TNKS: variants seen among roughly 807,000 people sequenced by gnomAD.
TNKS encodes the protein tankyrase.
A neutral mutation model predicts 135.8 loss-of-function variants in TNKS; 72 were observed. The observed-to-expected ratio is 0.53, with a 90% confidence interval of 0.44 to 0.64. The LOEUF (loss-of-function observed/expected upper bound fraction) is 0.64. Among genes scored for constraint, TNKS ranks in the 30% least tolerant of loss-of-function variants. The pLI, the probability that TNKS is intolerant of heterozygous loss-of-function variation, is 0.00. For missense variants in TNKS, 1,769 were observed against 1,674.0 expected, an observed-to-expected ratio of 1.06 and a Z score of -0.99; for synonymous variants, 849 against 649.3, an observed-to-expected ratio of 1.31 and a Z score of -4.68.
Position 9,706,211 on chromosome 8 carries a change from A to C in TNKS, c.1227A>C (p.Ala409=), listed in dbSNP as rs759442295. 8.9e-6 allele frequency: 14 copies of C among 1,577,682 alleles called. No homozygotes were observed. The highest frequency in any genetic ancestry group is 1.2e-5 in the Non-Finnish European group (14 of 1,166,248). The change falls in exon 7 of 27, where the codon GCA becomes GCC. Residue 409 remains alanine (A), a synonymous_variant. Coordinates refer to ENST00000310430, the MANE Select transcript of TNKS (RefSeq NM_003747.3). The part of the protein sequence containing the change: ...DKGGLVPLHN[A]CSYGHYEVTE... ...GTGGACTTGTGCCTCTTCATAATGC[A>C]TGTTCATATGGACATTATGAAGTCA...
intron 3 of TNKS, among the ~76,000 whole-genome samples, chr8:9,623,710 T>C (rs1799952264): frequency 6.6e-6 from 1 of 152,084 alleles, no homozygotes; most frequent in African/African-American, 2.4e-5. Context: ...GAATAGAAAC[T>C]AACTTTCTGG....
rs111720294 is a variant in TNKS at position 9,578,259 on chromosome 8, A to G, written c.674-1900A>G. Among the ~76,000 whole-genome samples, 18 of 152,204 alleles carry G rather than the reference A, an allele frequency of 1.2e-4. No homozygotes were observed. The East Asian group carries it at 1.5e-3, about 13-fold the overall frequency. ...TTCAACCTTCCTGGGTCAGGACAGC[A>G]CTTATGGCCCAGTGGAAGAGTAGGG... On this transcript the variant is annotated intron_variant, in intron 1 of 26. Coordinates refer to ENST00000310430, the MANE Select transcript of TNKS (RefSeq NM_003747.3).
intron 1 of TNKS, among the ~76,000 whole-genome samples, chr8:9,560,794 A>T (rs1368779287): frequency 1.3e-5 from 2 of 152,028 alleles, no homozygotes; most frequent in African/African-American, 4.8e-5. Context: ...TGTTGATTAT[A>T]AACTGGATTA....
At chr8:9,609,318 C>T (rs1799357656) in intron 2 of TNKS, among the ~76,000 whole-genome samples, 1 of 152,188 alleles carries the variant, frequency 6.6e-6, no homozygotes. Flanking sequence ...TACTGCCAAT[C>T]TGGGGCCACC....
chr8:9,765,716 T>C lies in TNKS; in HGVS notation c.3472T>C (p.Leu1158=). 1.2e-6 allele frequency: 2 copies of C among 1,613,874 alleles called. No individual in the cohort carries two copies. The highest frequency in any genetic ancestry group is 2.2e-5 in the South Asian group (2 of 91,060). ...GATTCAAAAAGTTGTCAACAAGAAG[T>C]TGAGGGAGCGGTTCTGCCACCGACA... ...IRIQKVVNKK[L]RERFCHRQKE... Residue 1158 remains leucine (L), a synonymous_variant, in exon 24 of 27, where the codon TTG becomes CTG. Coordinates refer to ENST00000310430, the MANE Select transcript of TNKS (RefSeq NM_003747.3).
chr8:9,738,903 AT>A lies in TNKS; in HGVS notation c.2643+3418del, dbSNP rs1243213966. Reference sequence around the variant, plus strand: ...TGATTTGGGGTGGAGAGTTCTGTAGATGTCTATTAGGTCTGCTTGGTGCAGA... The same window carrying A: ...TGATTTGGGGTGGAGAGTTCTGTAGAGTCTATTAGGTCTGCTTGGTGCAGA... On this transcript the variant is annotated intron_variant, in intron 17 of 26. Transcript: ENST00000310430. 1.0e-3 allele frequency among the ~76,000 whole-genome samples: 148 copies of A among 148,698 alleles called. 13 individuals carry two copies. Among genetic ancestry groups the A allele is most frequent in the Non-Finnish European group, 1.5e-5 (1 of 66,926 alleles).
In TNKS at chr8:9,555,920, A is replaced by C; in HGVS notation, c.-20A>C. 9 of 1,578,546 alleles carry C rather than the reference A, an allele frequency of 5.7e-6. No homozygotes were observed. Among genetic ancestry groups the C allele is most frequent in the Non-Finnish European group, 6.9e-6 (8 of 1,166,206 alleles). On this transcript the variant is annotated 5_prime_UTR_variant, in exon 1 of 27. Transcript: ENST00000310430. ...CGGTGGGGGCCGTTGCCGCAGTGAC[A>C]GTGCTAGGGGAGTCCGAAGATGGCG...
At position 9,568,500 on chromosome 8, in the gene TNKS, A is replaced by G. The variant is rs568210718; in HGVS notation, c.674-11659A>G. 9.2e-4 allele frequency among the ~76,000 whole-genome samples: 140 copies of G among 152,324 alleles called. 1 individual carries two copies. The highest frequency in any genetic ancestry group is 3.4e-3 in the Middle Eastern group (1 of 294). On this transcript the variant is annotated intron_variant, in intron 1 of 26. Coordinates refer to ENST00000310430, the MANE Select transcript of TNKS (RefSeq NM_003747.3). ...ATGAAAAATTTAAAATGAATATAAT[A>G]TTAGAAATTTTAAAAATAAAATGAT... is the stretch of plus-strand genomic sequence containing the variant.
Position 9,579,756 on chromosome 8 carries a change from C to T in TNKS, c.674-403C>T, listed in dbSNP as rs149433358. 1.1e-4 allele frequency among the ~76,000 whole-genome samples: 16 copies of T among 152,264 alleles called. No individual in the cohort carries two copies. In the East Asian group the frequency reaches 1.4e-3, roughly 13 times the overall value. On this transcript the variant is annotated intron_variant, in intron 1 of 26. Coordinates refer to ENST00000310430, the MANE Select transcript of TNKS (RefSeq NM_003747.3). ...AGTGCTGTGAGGGTGTGAGCCACTG[C>T]GCCCGGCTTATCAGCAGTATTTAAA...
Position 9,708,503 on chromosome 8 carries a change from A to G in TNKS, c.1578+11A>G. Reference sequence around the variant, plus strand: ...CATGAAACAGCACTGGTAAGATTTTATTGTTAATCTATTCCCTGTGTCTAT... The same window carrying G: ...CATGAAACAGCACTGGTAAGATTTTGTTGTTAATCTATTCCCTGTGTCTAT... On this transcript the variant is annotated intron_variant, in intron 9 of 26. Transcript: ENST00000310430. 6.3e-7 allele frequency: 1 copy of G among 1,579,744 alleles called. No individual in the cohort carries two copies. The highest frequency in any genetic ancestry group is 1.2e-5 in the South Asian group (1 of 83,480).
intron 5 of TNKS, among the ~76,000 whole-genome samples, chr8:9,687,714 T>C (rs1267807209): frequency 6.6e-6 from 1 of 152,204 alleles, no homozygotes; most frequent in African/African-American, 2.4e-5. Context: ...CTTTGAATTG[T>C]CCTGCCTTCC....
At position 9,710,045 on chromosome 8, in the gene TNKS, G is replaced by C. The variant is rs1804244475; in HGVS notation, c.1669G>C (p.Asp557His). The stretch of plus-strand genomic sequence containing the variant: ...AGCAAATGTTAATGAAAAAAATAAA[G>C]AGTAAGTATAATTGCAGAAGGAGTT... ...KGANVNEKNK[D>H]FMTPLHVAAE... The change falls in exon 10 of 27, where the codon GAT becomes CAT. Residue 557 changes from aspartate (D) to histidine (H), a missense_variant and splice_region_variant. Asp to His is a moderately conservative substitution (Grantham distance 81). This residue lies in a region of TNKS where 523 missense variants were observed against 541.0 expected (regional missense o/e 0.97). Transcript: ENST00000310430. 1 of 1,613,248 alleles carries C rather than the reference G, an allele frequency of 6.2e-7. No individual in the cohort carries two copies. Among genetic ancestry groups the C allele is most frequent in the Non-Finnish European group, 8.5e-7 (1 of 1,179,214 alleles).
chr8:9,772,831 CTGTGTGTGTGTG>C (rs71201974), intron 26 of TNKS, among the ~76,000 whole-genome samples: 52 of 119,120 alleles, frequency 4.4e-4, no homozygotes, highest in East Asian at 3.3e-3. Context: ...GTGTGTGTGT[CTGTGTGTGTGTG>C]TGTGTGTGTG....
At chr8:9,684,581 A>G (rs909472213) in intron 5 of TNKS, among the ~76,000 whole-genome samples, 1 of 152,130 alleles carries the variant, frequency 6.6e-6, no homozygotes, top group Admixed American at 6.6e-5. Context: ...TCCAAATAGA[A>G]ATAATATGTA....
chr8:9,711,612 A>G (rs895531237), intron 11 of TNKS, among the ~76,000 whole-genome samples: 5 of 152,200 alleles, frequency 3.3e-5, no homozygotes, highest in African/African-American at 1.2e-4. Flanking sequence ...AATGAAAATA[A>G]AAGGGTTCAA....
chr8:9,762,928 T>C (rs988380797), intron 21 of TNKS, among the ~76,000 whole-genome samples: 1 of 151,004 alleles, frequency 6.6e-6, no homozygotes, highest in African/African-American at 2.4e-5. Context: ...AAAGAACAGA[T>C]AAAATCAGTC....
chr8:9,624,771 C>G (rs761191026), intron 3 of TNKS, among the ~76,000 whole-genome samples: 2 of 152,012 alleles, frequency 1.3e-5, no homozygotes, highest in African/African-American at 2.4e-5. Flanking sequence ...GGTACTGGTT[C>G]CAGGATCCCC....
intron 3 of TNKS, among the ~76,000 whole-genome samples, chr8:9,637,447 C>G (rs1026875691): frequency 2.0e-5 from 3 of 152,034 alleles, no homozygotes; most frequent in Non-Finnish European, 2.9e-5. Flanking sequence ...AAAAAATACT[C>G]TTTTTTCTCT....
At chr8:9,562,218 A>G (rs553051575) in intron 1 of TNKS, among the ~76,000 whole-genome samples, 1 of 152,140 alleles carries the variant, frequency 6.6e-6, no homozygotes, top group African/African-American at 2.4e-5. Context: ...GTTTAAGAGT[A>G]CTTTATATAT....
Sources: gnomAD v4.1 joint callset for allele counts (sites outside exome capture counted in the v4.1 genomes callset) on GRCh38, gnomAD v4.1.1 for gene constraint, gnomAD v4.1.1 regional missense constraint, MANE v1.5 for transcripts, NCBI Gene and HGNC (gene_info 2026-07-23, HGNC 2026-07-21) for gene names.